The following GREB1 variants were observed in gnomAD, a reference collection of about 807,000 sequenced individuals.
The protein encoded by GREB1 is growth regulating estrogen receptor binding 1.
A neutral mutation model predicts 200.7 loss-of-function variants in GREB1; 106 were observed. The observed-to-expected ratio is 0.53, with a 90% CI of 0.45 to 0.62. GREB1 has a LOEUF of 0.62. Ranked by LOEUF, GREB1 falls within the 20% of genes least tolerant of loss-of-function variation. The probability of loss-of-function intolerance (pLI) is 0.00; values close to 1 mark genes in which losing one functional copy is unlikely to be tolerated. For synonymous variants in GREB1, 1,132 were observed against 1,092.4 expected, an observed-to-expected ratio of 1.04 and a Z score of -0.72; for missense variants, 2,243 against 2,556.8, an observed-to-expected ratio of 0.88 and a Z score of 2.65.
At chr2:11,551,788 G>A (rs1415747755) in intron 1 of GREB1, among the ~76,000 whole-genome samples, 1 of 152,146 alleles carries the variant, frequency 6.6e-6, no homozygotes, top group African/African-American at 2.4e-5. Context: ...AAGTGGAGCA[G>A]GACGAGCCGT....
intron 1 of GREB1, among the ~76,000 whole-genome samples, chr2:11,495,095 G>A (rs1392571426): frequency 6.6e-6 from 1 of 152,130 alleles, no homozygotes; most frequent in Non-Finnish European, 1.5e-5. Flanking sequence ...TCTTCCTGGG[G>A]AATCAGGCCT....
At chr2:11,578,226 C>T in intron 5 of GREB1, 71 bp from the exon 6 acceptor site, 1 of 1,533,388 alleles carries the variant, frequency 6.5e-7, no homozygotes, top group Non-Finnish European at 8.9e-7. Context: ...ACACGTTCCA[C>T]TCCAGGAACT....
Position 11,629,732 on chromosome 2 carries a change from G to A in GREB1, c.4450-216G>A, listed in dbSNP as rs1183542859. On this transcript the variant is annotated intron_variant, in intron 25 of 32. Coordinates refer to ENST00000381486, the MANE Select transcript of GREB1 (RefSeq NM_014668.4). The surrounding 1 kb of genome is among the most constrained non-coding windows in gnomAD (Gnocchi z 5.2). ...GGCCCCATGCGGACTGAGGATGGGAGCAGGCTCTCGTCGTGGGTGTGTGGC... is the reference window on the plus strand; with the variant it reads ...GGCCCCATGCGGACTGAGGATGGGAACAGGCTCTCGTCGTGGGTGTGTGGC... Among the ~76,000 whole-genome samples, 1 of 152,172 alleles carries A rather than the reference G, an allele frequency of 6.6e-6. No individual in the cohort carries two copies. Among genetic ancestry groups the A allele is most frequent in the Admixed American group, 6.5e-5 (1 of 15,286 alleles).
intron 21 of GREB1, 105 bp from the exon 22 acceptor site, chr2:11,618,170 CTCCTGGGACAGGT>C: frequency 1.1e-6 from 1 of 891,546 alleles, no homozygotes; most frequent in South Asian, 2.0e-5. Context: ...GGATGGGTGA[CTCCTGGGACAGGT>C]CACTCCTGGG....
intron 9 of GREB1, chr2:11,587,718 C>T (rs984272236): frequency 8.4e-7 from 1 of 1,189,458 alleles, no homozygotes. Context: ...CACACACACA[C>T]ACACACACAC....
intron 1 of GREB1, among the ~76,000 whole-genome samples, chr2:11,497,971 CTTTT>C (rs70955803): frequency 5.9e-4 from 24 of 40,598 alleles, no homozygotes; most frequent in Admixed American, 8.1e-4. Flanking sequence ...CAGAGCAAAA[CTTTT>C]TTTTTTTTTT....
chr2:11,568,884 T>A (rs777200186), intron 4 of GREB1, among the ~76,000 whole-genome samples: 7 of 152,250 alleles, frequency 4.6e-5, no homozygotes, highest in Non-Finnish European at 8.8e-5. Context: ...AAAATAACTT[T>A]ATGCTCTCAG....
chr2:11,532,567 C>G (rs1404708406), upstream of GREB1, among the ~76,000 whole-genome samples: 1 of 152,212 alleles, frequency 6.6e-6, no homozygotes, highest in African/African-American at 2.4e-5. Context: ...CAAAATACTT[C>G]TGATTGCCGC....
chr2:11,557,161 T>C (rs1015124046), intron 2 of GREB1, among the ~76,000 whole-genome samples: 5 of 152,178 alleles, frequency 3.3e-5, no homozygotes, highest in Admixed American at 3.3e-4. Context: ...TGCAAAGTAA[T>C]AGTAGGTATG....
At chr2:11,521,116 C>CT (rs545146965) in intron 1 of GREB1, among the ~76,000 whole-genome samples, 1,555 of 151,304 alleles carry the variant, frequency 0.01, 19 homozygotes, top group African/African-American at 0.029. Context: ...TCTTCTTTGT[C>CT]TTTTTTTTTG....
intron 2 of GREB1, among the ~76,000 whole-genome samples, chr2:11,558,142 G>C (rs1009801162): frequency 6.6e-6 from 1 of 152,350 alleles, no homozygotes; most frequent in African/African-American, 2.4e-5. Flanking sequence ...AGGGTGGCTT[G>C]CTGGAAGCTT....
chr2:11,565,580 A>G (rs983445246), intron 3 of GREB1, among the ~76,000 whole-genome samples: 11 of 152,228 alleles, frequency 7.2e-5, no homozygotes, highest in Non-Finnish European at 1.6e-4. Context: ...TATCCAAATT[A>G]GTCTCAGCTG....
intron 7 of GREB1, chr2:11,581,136 T>C: frequency 1.7e-6 from 1 of 597,784 alleles, no homozygotes; most frequent in Non-Finnish European, 3.0e-6. Flanking sequence ...TTTGGAGCAA[T>C]AGTGGGCAGT....
intron 1 of GREB1, among the ~76,000 whole-genome samples, chr2:11,536,746 A>G (rs1412115784): frequency 2.6e-5 from 4 of 151,926 alleles, no homozygotes; most frequent in African/African-American, 4.9e-5. Flanking sequence ...CCTCATTGCT[A>G]TTTTCACATC....
rs1448078264 is a variant in GREB1 at position 11,584,990 on chromosome 2, T to G, written c.902-171T>G. 1.2e-5 allele frequency: 6 copies of G among 491,774 alleles called. 1 individual carries two copies. The highest frequency in any genetic ancestry group is 3.6e-6 in the Non-Finnish European group (1 of 278,838). 30.5% of individuals were successfully genotyped at this position (491,774 alleles called of 1,614,324 possible). A position where few individuals can be genotyped will look rare whatever the true frequency, so the allele number is the denominator to read the frequency against. On this transcript the variant is annotated intron_variant, in intron 7 of 32. Coordinates refer to ENST00000381486, the MANE Select transcript of GREB1 (RefSeq NM_014668.4). ...GGTCGGAATGAAACATTTACAAAAA[T>G]TGACATTTCCTTATGCATAGATATT...
chr2:11,611,260 T>G (rs1421445833), intron 18 of GREB1, among the ~76,000 whole-genome samples: 37 of 151,610 alleles, frequency 2.4e-4, no homozygotes, highest in Admixed American at 2.4e-3. Flanking sequence ...GGCAACAGCC[T>G]GCTTTCTTTT....
chr2:11,534,125 T>A lies in GREB1; in HGVS notation c.-291T>A, dbSNP rs1401778270. 1 of 152,152 alleles carries A rather than the reference T, an allele frequency of 6.6e-6. No individual in the cohort carries two copies. The highest frequency in any genetic ancestry group is 1.9e-4 in the East Asian group (1 of 5,192). 9.4% of individuals were successfully genotyped at this position (152,152 alleles called of 1,614,324 possible). A position where few individuals can be genotyped will look rare whatever the true frequency, so the allele number is the denominator to read the frequency against. Reference sequence around the variant, plus strand: ...AGTGCAAAGGTAAATGAAATAAAGTTTTTTCAATGGAAGGCTTGCAGCTCT... The same window carrying A: ...AGTGCAAAGGTAAATGAAATAAAGTATTTTCAATGGAAGGCTTGCAGCTCT... On this transcript the variant is annotated 5_prime_UTR_variant, in exon 1 of 33. Coordinates refer to ENST00000381486, the MANE Select transcript of GREB1 (RefSeq NM_014668.4).
At position 11,595,280 on chromosome 2, in the gene GREB1, A is replaced by G. The variant is rs1681107395; in HGVS notation, c.1726A>G (p.Ser576Gly). The G allele has an allele frequency of 1.2e-6, 2 of 1,613,530 alleles. No individual in the cohort carries two copies. Among genetic ancestry groups the G allele is most frequent in the African/African-American group, 2.7e-5 (2 of 74,906 alleles). The change falls in exon 12 of 33, where the codon AGC (serine) becomes GGC (glycine). Residue 576 changes from serine (S) to glycine (G), a missense_variant. Transcript: ENST00000381486. The stretch of plus-strand genomic sequence containing the variant: ...ATACCAAGCCCGGATTCTTTCCGAG[A>G]GCCTTCTCACTCCTGCGGAGTACCA... ...GKYQARILSE[S>G]LLTPAEYQKE... is the part of the protein sequence containing the mutation.
intron 1 of GREB1, among the ~76,000 whole-genome samples, chr2:11,543,842 G>A (rs138525427): frequency 7.2e-5 from 11 of 152,296 alleles, no homozygotes; most frequent in Non-Finnish European, 1.2e-4. Context: ...TTGAACCCCT[G>A]ATGTGTGCTG....
Sources: allele counts gnomAD v4.1 joint callset (sites outside exome capture counted in the v4.1 genomes callset), GRCh38; gene constraint gnomAD v4.1.1; non-coding constraint Gnocchi (gnomAD v3.1); transcripts MANE v1.5; gene names NCBI Gene and HGNC (gene_info 2026-07-23, HGNC 2026-07-21).